The following WDR64 variants were observed in gnomAD, a reference collection of about 807,000 sequenced individuals.
WDR64 encodes the protein WD repeat domain 64.
A neutral mutation model predicts 139.3 loss-of-function variants in WDR64; 112 were observed. The observed-to-expected ratio is 0.80, with a 90% CI of 0.69 to 0.94. The LOEUF (loss-of-function observed/expected upper bound fraction) is 0.94, where lower values mean the gene tolerates loss of function less well. Among genes scored for constraint, WDR64 ranks in the 40% least tolerant of loss-of-function variants. WDR64 has a pLI of 0.00. For missense variants in WDR64, 1,206 were observed against 1,293.1 expected, an observed-to-expected ratio of 0.93 and a Z score of 1.03; for synonymous variants, 444 against 437.7, an observed-to-expected ratio of 1.01 and a Z score of -0.18.
intron 8 of WDR64, among the ~76,000 whole-genome samples, chr1:241,706,776 A>G (rs1298109386): frequency 6.6e-6 from 1 of 152,164 alleles, no homozygotes; most frequent in Non-Finnish European, 1.5e-5. Context: ...TTAAATTTTT[A>G]AAAATCAAAT....
Position 241,741,519 on chromosome 1 carries a change from C to G in WDR64, c.1325C>G (p.Ser442Cys). The G allele has an allele frequency of 6.2e-7, 1 of 1,600,180 alleles. No homozygotes were observed. The highest frequency in any genetic ancestry group is 8.5e-7 in the Non-Finnish European group (1 of 1,176,008). The change falls in exon 12 of 28, where the codon TCT becomes TGT. Residue 442 changes from serine to cysteine, a missense_variant. Ser to Cys is a moderately radical substitution (Grantham distance 112). Coordinates refer to ENST00000437684, the MANE Select transcript of WDR64 (RefSeq NM_001367482.1). ...GAGATTCTTACTTCTGTTCCAGGATCTAGTGTTATGGACATGTATCCTTTG... is the reference window on the plus strand; with the variant it reads ...GAGATTCTTACTTCTGTTCCAGGATGTAGTGTTATGGACATGTATCCTTTG... Reference protein sequence around the residue: ...DANHGMLITGSSVMDMYPLTR... With the variant: ...DANHGMLITGCSVMDMYPLTR...
intron 1 of WDR64, among the ~76,000 whole-genome samples, chr1:241,655,239 T>C (rs1665537317): frequency 6.6e-6 from 1 of 152,004 alleles, no homozygotes; most frequent in Admixed American, 6.6e-5. Flanking sequence ...AAAAATTAGC[T>C]GGGCATGGTG....
Position 241,665,678 on chromosome 1 carries a change from C to T in WDR64, c.276+5018C>T, listed in dbSNP as rs560547651. The stretch of plus-strand genomic sequence containing the variant: ...TGAAAAAAATTTAATGTAAAGAGAT[C>T]AAAAGAAATATGACTGCCTTAAGTT... On this transcript the variant is annotated intron_variant, in intron 2 of 27. Transcript: ENST00000437684. Among the ~76,000 whole-genome samples, 47 of 152,172 alleles carry T rather than the reference C, an allele frequency of 3.1e-4. 1 individual carries two copies. The South Asian group carries it at 9.3e-3, about 30-fold the overall frequency.
At chr1:241,777,037 A>G (rs1364807132) in intron 21 of WDR64, among the ~76,000 whole-genome samples, 3 of 152,178 alleles carry the variant, frequency 2.0e-5, no homozygotes, top group Non-Finnish European at 2.9e-5. Context: ...GAGGGCTGCT[A>G]TCTATTCACT....
intron 3 of WDR64, among the ~76,000 whole-genome samples, chr1:241,673,176 A>G (rs777006153): frequency 7.3e-4 from 97 of 133,210 alleles, no homozygotes; most frequent in African/African-American, 2.4e-3. Flanking sequence ...ATCACACACC[A>G]GGGACTGTTG....
chr1:241,685,278 C>A (rs1217346531), intron 7 of WDR64, among the ~76,000 whole-genome samples: 4 of 150,984 alleles, frequency 2.6e-5, no homozygotes, highest in Non-Finnish European at 5.9e-5. Context: ...TGTCATGCAC[C>A]CATTTAATTG....
At chr1:241,690,952 A>G (rs1229856730) in intron 8 of WDR64, among the ~76,000 whole-genome samples, 5 of 152,202 alleles carry the variant, frequency 3.3e-5, no homozygotes, top group Non-Finnish European at 5.9e-5. Context: ...ACATATATGT[A>G]TGTATATATG....
Position 241,772,451 on chromosome 1 carries a change from C to CTTTTTTTTTTTTTTTTT in WDR64, c.2291-328_2291-312dup, listed in dbSNP as rs534177884. Among the ~76,000 whole-genome samples, 34 of 59,052 alleles carry CTTTTTTTTTTTTTTTTT rather than the reference C, an allele frequency of 5.8e-4. 9 individuals carry two copies. Among genetic ancestry groups the CTTTTTTTTTTTTTTTTT allele is most frequent in the African/African-American group, 8.3e-4 (13 of 15,642 alleles). The allele number at this position is 59,052 out of a possible 152,430, so 38.7% of individuals were successfully genotyped here. A position where few individuals can be genotyped will look rare whatever the true frequency, so the allele number is the denominator to read the frequency against. The stretch of plus-strand genomic sequence containing the variant: ...AGTATTGCAAATTCCAAGATAGATC[C>CTTTTTTTTTTTTTTTTT]TTTTTTTTTTTTTTTTTTTTTTTTT... On this transcript the variant is annotated intron_variant, in intron 19 of 27. Transcript: ENST00000437684.
At chr1:241,795,394 A>T (rs1659335292) in intron 26 of WDR64, 107 bp downstream of exon 26, 12 of 989,144 alleles carry the variant, frequency 1.2e-5, no homozygotes, top group Non-Finnish European at 1.7e-5. Context: ...TCATACAGTC[A>T]GTTGGACCGT....
At chr1:241,689,099 C>A (rs1667116627) in intron 8 of WDR64, among the ~76,000 whole-genome samples, 1 of 152,296 alleles carries the variant, frequency 6.6e-6, no homozygotes, top group East Asian at 1.9e-4. Flanking sequence ...GGAAGACTGA[C>A]AAGCACTTGT....
chr1:241,741,695 A>C (rs142696908), intron 12 of WDR64, 31 bp downstream of exon 12: 1,007 of 1,548,864 alleles, frequency 6.5e-4, no homozygotes, highest in Non-Finnish European at 7.9e-4. Flanking sequence ...CAAACAGAAA[A>C]AAAGGCAATG....
At chr1:241,768,591 T>G (rs1260908620) in intron 16 of WDR64, among the ~76,000 whole-genome samples, 3 of 152,240 alleles carry the variant, frequency 2.0e-5, no homozygotes, top group African/African-American at 4.8e-5. Flanking sequence ...TCATCAAGCT[T>G]GTAGACTTCT....
chr1:241,715,255 T>C (rs1006052354), intron 9 of WDR64, among the ~76,000 whole-genome samples: 29 of 152,138 alleles, frequency 1.9e-4, no homozygotes, highest in African/African-American at 6.5e-4. Context: ...TTTAAAGATC[T>C]CCATACTGAA....
intron 10 of WDR64, among the ~76,000 whole-genome samples, chr1:241,733,311 C>A (rs1255031957): frequency 6.6e-6 from 1 of 152,034 alleles, no homozygotes; most frequent in East Asian, 1.9e-4. Context: ...CTCGTCTCTA[C>A]TAAAACTACA....
intron 12 of WDR64, among the ~76,000 whole-genome samples, chr1:241,743,142 T>C (rs1177127461): frequency 1.3e-5 from 2 of 152,202 alleles, no homozygotes; most frequent in East Asian, 1.9e-4. Flanking sequence ...CTGAAACCTG[T>C]CCTGCTTTTG....
chr1:241,678,020 T>C (rs1214784768), intron 4 of WDR64, among the ~76,000 whole-genome samples, 167 bp from the exon 5 acceptor site: 1 of 152,214 alleles, frequency 6.6e-6, no homozygotes, highest in East Asian at 1.9e-4. Flanking sequence ...GTGTGCATTA[T>C]TCCACAGAGC....
At chr1:241,668,439 A>G (rs1666104910) in intron 2 of WDR64, among the ~76,000 whole-genome samples, 1 of 152,134 alleles carries the variant, frequency 6.6e-6, no homozygotes, top group Admixed American at 6.5e-5. Context: ...TGAGAAAGGA[A>G]GCACTAACCA....
At chr1:241,675,601 C>T (rs887831431) in intron 4 of WDR64, among the ~76,000 whole-genome samples, 1 of 152,144 alleles carries the variant, frequency 6.6e-6, no homozygotes, top group Non-Finnish European at 1.5e-5. Context: ...AATAAAAGGT[C>T]CCATCAGGAA....
intron 4 of WDR64, among the ~76,000 whole-genome samples, chr1:241,677,148 T>C (rs969248654): frequency 1.2e-4 from 19 of 152,212 alleles, no homozygotes; most frequent in Non-Finnish European, 2.2e-4. Context: ...ATTTTTAGTA[T>C]CTTACCAAAG....
Sources: gnomAD v4.1 joint callset for allele counts (sites outside exome capture counted in the v4.1 genomes callset) on GRCh38, gnomAD v4.1.1 for gene constraint, MANE v1.5 for transcripts, NCBI Gene and HGNC (gene_info 2026-07-23, HGNC 2026-07-21) for gene names.